The following TMCO1 variants were observed in gnomAD, a reference collection of about 807,000 sequenced individuals.
TMCO1 encodes the protein transmembrane and coiled-coil domains 1, also known as calcium load-activated calcium channel.
Under a neutral mutation model 29.3 loss-of-function variants are expected in TMCO1, and 29 were observed. The ratio of observed to expected loss-of-function variants is 0.99; its 90% CI spans 0.74 to 1.35. TMCO1 has a LOEUF of 1.35. Among genes scored for constraint, TMCO1 ranks in the 40% most tolerant of loss-of-function variants. The probability of loss-of-function intolerance (pLI) is 0.00; values close to 1 mark genes in which losing one functional copy is unlikely to be tolerated. For missense variants in TMCO1, 173 were observed against 225.5 expected (o/e 0.77, Z 1.49); for synonymous variants, 80 against 77.1 (o/e 1.04, Z -0.20).
intron 4 of TMCO1, among the ~76,000 whole-genome samples, 179 bp from the exon 5 acceptor site, chr1:165,752,348 C>CG (rs1323661312): frequency 2.7e-5 from 4 of 150,872 alleles, no homozygotes; most frequent in Admixed American, 6.6e-5. Flanking sequence ...TCCGTCCCCC[C>CG]GGGTTCACGC....
chr1:165,730,335 A>G (rs1651101758), intron 6 of TMCO1, among the ~76,000 whole-genome samples: 1 of 55,832 alleles, frequency 1.8e-5, no homozygotes, highest in African/African-American at 6.4e-5. Flanking sequence ...ACTCCGTCTC[A>G]AAACAAAAAC....
chr1:165,762,009 T>A (rs199617163), intron 2 of TMCO1, among the ~76,000 whole-genome samples: 279 of 2,452 alleles, frequency 0.11, 51 homozygotes, highest in East Asian at 1. Flanking sequence ...ATAACATTTT[T>A]ATTAAAATGT....
At chr1:165,750,777 A>C (rs1266233644) in intron 5 of TMCO1, among the ~76,000 whole-genome samples, 2 of 151,728 alleles carry the variant, frequency 1.3e-5, no homozygotes. Flanking sequence ...AACTTTTTAA[A>C]AATTAGCCTG....
chr1:165,727,913 T>C lies in TMCO1; in HGVS notation c.*110A>G. The C allele has an allele frequency of 1.3e-6, 1 of 795,330 alleles. No individual in the cohort carries two copies. The highest frequency in any genetic ancestry group is 2.1e-6 in the Non-Finnish European group (1 of 483,152). The allele number at this position is 795,330 out of a possible 1,614,324, so 49.3% of individuals were successfully genotyped here. A position where few individuals can be genotyped will look rare whatever the true frequency, so the allele number is the denominator to read the frequency against. Reference sequence around the variant, plus strand: ...AAAAGGCTTAGAAATAATTCAAAACTAGAAAGAGGCCCAAGTAGTAAGGCT... The same window carrying C: ...AAAAGGCTTAGAAATAATTCAAAACCAGAAAGAGGCCCAAGTAGTAAGGCT... On this transcript the variant is annotated 3_prime_UTR_variant, in exon 7 of 7. Transcript: ENST00000367881.
intron 2 of TMCO1, among the ~76,000 whole-genome samples, chr1:165,761,691 G>A (rs114917132): frequency 0.032 from 4,900 of 152,086 alleles, 236 homozygotes; most frequent in African/African-American, 0.11. Flanking sequence ...GCTCAGTTCT[G>A]TAAGCCCAGC....
At chr1:165,725,507 T>G, downstream of TMCO1, 1 of 454,144 alleles carries the variant, frequency 2.2e-6, no homozygotes, top group South Asian at 1.6e-5. Flanking sequence ...TAGCATATTA[T>G]GATTGCAACC....
intron 6 of TMCO1, among the ~76,000 whole-genome samples, chr1:165,742,774 A>T (rs1651643800): frequency 6.6e-6 from 1 of 152,232 alleles, no homozygotes; most frequent in Non-Finnish European, 1.5e-5. Flanking sequence ...TCAACTGTGA[A>T]TAACCTAAAA....
chr1:165,725,729 T>A (rs1650859814), downstream of TMCO1: 3 of 454,244 alleles, frequency 6.6e-6, no homozygotes, highest in Non-Finnish European at 1.3e-5. Context: ...CAAGAAATTT[T>A]AAAAAACTAA....
intron 5 of TMCO1, among the ~76,000 whole-genome samples, chr1:165,746,970 T>C (rs1273621005): frequency 6.6e-6 from 1 of 151,958 alleles, no homozygotes; most frequent in African/African-American, 2.4e-5. Context: ...ATCACAAAAA[T>C]TGATAACCTG....
intron 2 of TMCO1, among the ~76,000 whole-genome samples, chr1:165,766,494 A>G (rs1652573422): frequency 6.6e-6 from 1 of 152,194 alleles, no homozygotes; most frequent in African/African-American, 2.4e-5. Flanking sequence ...TTGCAGAAGA[A>G]TGATCAGTAA....
In TMCO1 at chr1:165,765,875, T is replaced by C. The variant is rs1192706488; in HGVS notation, c.148+2317A>G. 3.3e-5 allele frequency among the ~76,000 whole-genome samples: 5 copies of C among 152,232 alleles called. No homozygotes were observed. In the South Asian group the frequency reaches 8.3e-4, roughly 25 times the overall value. ...GCTGAGTGAAAGGGACATGATCAAA[T>C]AGGCTTTTAAAAAGATTATTCTGGC... On this transcript the variant is annotated intron_variant, in intron 2 of 6. Coordinates refer to ENST00000367881, the MANE Select transcript of TMCO1 (RefSeq NM_019026.6).
Position 165,750,249 on chromosome 1 carries a change from G to A in TMCO1, c.323+1853C>T, listed in dbSNP as rs1486653630. 2.6e-5 allele frequency among the ~76,000 whole-genome samples: 4 copies of A among 152,114 alleles called. No homozygotes were observed. The East Asian group carries it at 7.7e-4, about 29-fold the overall frequency. The stretch of plus-strand genomic sequence containing the variant: ...ATTAATAAAAAATTAGTTAAACAGA[G>A]TACATCCTGGCCAGGCGCAATGGCT... On this transcript the variant is annotated intron_variant, in intron 5 of 6. Transcript: ENST00000367881.
chr1:165,758,922 T>C (rs1652297868), intron 3 of TMCO1, among the ~76,000 whole-genome samples: 2 of 152,164 alleles, frequency 1.3e-5, no homozygotes, highest in Admixed American at 6.6e-5. Flanking sequence ...CTAAAACAAA[T>C]ACACAATCTC....
intron 6 of TMCO1, among the ~76,000 whole-genome samples, chr1:165,728,324 T>A (rs1253818931): frequency 6.6e-6 from 1 of 151,894 alleles, no homozygotes; most frequent in Admixed American, 6.6e-5. Context: ...TGGAGCAATC[T>A]TGGCTCACTG....
intron 5 of TMCO1, among the ~76,000 whole-genome samples, chr1:165,744,801 A>AC (rs1170717760): frequency 1.3e-5 from 2 of 151,782 alleles, no homozygotes; most frequent in African/African-American, 4.8e-5. Context: ...AAAAAAAAAA[A>AC]AAAAAAAAAA....
intron 4 of TMCO1, 126 bp downstream of exon 4, chr1:165,754,099 CATG>C (rs1239540249): frequency 2.6e-6 from 2 of 756,862 alleles, no homozygotes; most frequent in South Asian, 3.1e-5. Flanking sequence ...CAGGAACACC[CATG>C]ATATTATTTA....
At chr1:165,767,553 A>G (rs773565837) in intron 2 of TMCO1, among the ~76,000 whole-genome samples, 1 of 152,130 alleles carries the variant, frequency 6.6e-6, no homozygotes, top group Non-Finnish European at 1.5e-5. Context: ...TTTTGCTCAT[A>G]TGTTATTTCT....
chr1:165,746,742 T>C (rs1299284050), intron 5 of TMCO1, among the ~76,000 whole-genome samples: 3 of 152,198 alleles, frequency 2.0e-5, no homozygotes, highest in Non-Finnish European at 2.9e-5. Flanking sequence ...ATCGTTGGTA[T>C]TTTACCTTTG....
At chr1:165,740,653 T>C (rs1651560418) in intron 6 of TMCO1, among the ~76,000 whole-genome samples, 1 of 152,226 alleles carries the variant, frequency 6.6e-6, no homozygotes, top group African/African-American at 2.4e-5. Flanking sequence ...GCTTTCACAA[T>C]AAACTCCTGC....
Sources: gnomAD v4.1 joint callset for allele counts (sites outside exome capture counted in the v4.1 genomes callset) on GRCh38, gnomAD v4.1.1 for gene constraint, MANE v1.5 for transcripts, NCBI Gene and HGNC (gene_info 2026-07-23, HGNC 2026-07-21) for gene names.